DPP8: variants seen among roughly 807,000 people sequenced by gnomAD.
DPP8 encodes the protein dipeptidyl peptidase 8, also known as DPP VIII.
A neutral mutation model predicts 107.5 loss-of-function variants in DPP8; 31 were observed. That is an observed-to-expected ratio of 0.29 (90% CI 0.22 to 0.39). DPP8 has a LOEUF of 0.39. Among genes scored for constraint, DPP8 ranks in the 10% least tolerant of loss-of-function variants. DPP8 has a pLI of 1.00. For missense variants in DPP8, 842 were observed against 1,076.1 expected (o/e 0.78, Z 3.04); for synonymous variants, 381 against 356.6 (o/e 1.07, Z -0.77).
chr15:65,449,685 C>T (rs1351781489), intron 19 of DPP8, among the ~76,000 whole-genome samples: 2 of 152,134 alleles, frequency 1.3e-5, no homozygotes, highest in Non-Finnish European at 2.9e-5. Context: ...GTTGGGATTA[C>T]AGGCGTGAGC....
Position 65,493,386 on chromosome 15 carries a change from T to C in DPP8, c.716-3087A>G, listed in dbSNP as rs1376829128. ...GGTGAGCCACCGTGCCCGGCCAAGATTTTTCATATATTGTACATCTACCAT... is the reference window on the plus strand; with the variant it reads ...GGTGAGCCACCGTGCCCGGCCAAGACTTTTCATATATTGTACATCTACCAT... On this transcript the variant is annotated intron_variant, in intron 5 of 19. Transcript: ENST00000300141. 3.9e-5 allele frequency among the ~76,000 whole-genome samples: 6 copies of C among 152,280 alleles called. No homozygotes were observed. In the East Asian group the frequency reaches 1.2e-3, roughly 29 times the overall value.
At chr15:65,488,603 C>CAAAAAAAAA (rs1166493197) in intron 6 of DPP8, among the ~76,000 whole-genome samples, 8 of 45,276 alleles carry the variant, frequency 1.8e-4, no homozygotes, top group African/African-American at 6.7e-4. Context: ...GACCCTGCCT[C>CAAAAAAAAA]AAAAAAAAAA....
At chr15:65,473,829 C>A (rs949497507) in intron 12 of DPP8, among the ~76,000 whole-genome samples, 1 of 152,052 alleles carries the variant, frequency 6.6e-6, no homozygotes, top group Admixed American at 6.6e-5. Context: ...GTCGGCTGGG[C>A]GCAGTGGCTC....
chr15:65,469,917 C>A (rs1405164818), intron 12 of DPP8, among the ~76,000 whole-genome samples: 2 of 152,052 alleles, frequency 1.3e-5, no homozygotes, highest in South Asian at 2.1e-4. Context: ...GGGTAGATGG[C>A]CAGGTGTGGT....
In DPP8 at chr15:65,503,117, A is replaced by T. The variant is rs140831842; in HGVS notation, c.373-2338T>A. 6.3e-3 allele frequency among the ~76,000 whole-genome samples: 956 copies of T among 151,828 alleles called. 3 individuals carry two copies. Among genetic ancestry groups the T allele is most frequent in the Non-Finnish European group, 8.8e-3 (594 of 67,856 alleles). On this transcript the variant is annotated intron_variant, in intron 3 of 19. Coordinates refer to ENST00000300141, the MANE Select transcript of DPP8 (RefSeq NM_130434.5). ...TGAAACACCATTAATTATTATTATTATTTTTTTTGAGATGGAGCCTTGCTC... is the reference window on the plus strand; with the variant it reads ...TGAAACACCATTAATTATTATTATTTTTTTTTTTGAGATGGAGCCTTGCTC...
chr15:65,517,038 G>A (rs1043615720), intron 1 of DPP8: 1 of 153,030 alleles, frequency 6.5e-6, no homozygotes, highest in African/African-American at 2.4e-5. Context: ...AGGCAGGAGA[G>A]AAAAAAGACC....
rs368418422 is a variant in DPP8, at chr15:65,446,909, C to T, written c.2624G>A (p.Arg875His). ...TTATATCACTTTTAGAGCAGCAATA[C>T]GTGATCCAAGGTTTTCTTGAAGGTA... ...LHYLQENLGS[R>H]IAALKVI The change falls in exon 20 of 20, where the codon CGT (arginine) becomes CAT (histidine). Residue 875 changes from arginine to histidine, a missense_variant. Arg to His is a conservative substitution (Grantham distance 29). This residue lies in a region of DPP8 where 179 missense variants were observed against 318.0 expected (regional missense o/e 0.56). Transcript: ENST00000300141. The T allele has an allele frequency of 4.0e-5, 64 of 1,612,446 alleles. No individual in the cohort carries two copies. The African/African-American group carries it at 4.8e-4, about 12-fold the overall frequency.
intron 1 of DPP8, 84 bp from the exon 2 acceptor site, chr15:65,512,648 G>T (rs9635366): frequency 6.8e-7 from 1 of 1,481,438 alleles, no homozygotes; most frequent in South Asian, 1.3e-5. Flanking sequence ...AAAAAAAAGC[G>T]GGGGAGTGGG....
At chr15:65,469,623 A>G (rs1196685386) in intron 12 of DPP8, among the ~76,000 whole-genome samples, 1 of 141,356 alleles carries the variant, frequency 7.1e-6, no homozygotes, top group Non-Finnish European at 1.5e-5. Context: ...ATTGCACTCT[A>G]GCCTGGGCAA....
At chr15:65,493,325 G>A (rs1183248939) in intron 5 of DPP8, among the ~76,000 whole-genome samples, 3 of 151,890 alleles carry the variant, frequency 2.0e-5, no homozygotes, top group African/African-American at 7.3e-5. Context: ...CAGGTGATCT[G>A]CCTGCCTCGG....
chr15:65,469,881 C>T (rs546681120), intron 12 of DPP8, among the ~76,000 whole-genome samples: 2 of 151,652 alleles, frequency 1.3e-5, no homozygotes, highest in Admixed American at 1.3e-4. Context: ...TAAAGCTTTA[C>T]CCAATTACTG....
intron 7 of DPP8, 50 bp from the exon 8 acceptor site, chr15:65,485,210 A>T: frequency 2.1e-6 from 3 of 1,415,312 alleles, no homozygotes; most frequent in Non-Finnish European, 3.0e-6. Context: ...AATTACTCAA[A>T]TTAATTTTGC....
intron 10 of DPP8, 76 bp downstream of exon 10, chr15:65,480,146 G>T: frequency 7.6e-7 from 1 of 1,316,288 alleles, no homozygotes; most frequent in Non-Finnish European, 1.0e-6. Flanking sequence ...AATGCATTTT[G>T]ATAGTTTGCT....
chr15:65,503,155 T>A (rs1001797032), intron 3 of DPP8, among the ~76,000 whole-genome samples: 1 of 152,218 alleles, frequency 6.6e-6, no homozygotes, highest in African/African-American at 2.4e-5. Context: ...CTGCCCAGGC[T>A]GTAGTGCAAT....
chr15:65,471,700 C>A (rs2065913874), intron 12 of DPP8, among the ~76,000 whole-genome samples: 1 of 152,046 alleles, frequency 6.6e-6, no homozygotes, highest in Admixed American at 6.6e-5. Flanking sequence ...GTTGTCCAGG[C>A]TGGTATCTAA....
At position 65,463,800 on chromosome 15, in the gene DPP8, C is replaced by G; in HGVS notation, c.1932G>C (p.Lys644Asn). 6.2e-7 allele frequency: 1 copy of G among 1,613,420 alleles called. No individual in the cohort carries two copies. The highest frequency in any genetic ancestry group is 8.5e-7 in the Non-Finnish European group (1 of 1,179,534). Residue 644 changes from lysine (K) to asparagine (N), a missense_variant, in exon 15 of 20, where the codon AAG becomes AAC. By Grantham distance (94) the Lys-to-Asn change is moderately conservative. Transcript: ENST00000300141. ...ATATGAACAGCACAGTAGGATATTTCTTTCCAGGCTGTAGATCATGAGGCT... is the reference window on the plus strand; with the variant it reads ...ATATGAACAGCACAGTAGGATATTTGTTTCCAGGCTGTAGATCATGAGGCT... ...LYKPHDLQPG[K>N]KYPTVLFIYG...
intron 3 of DPP8, among the ~76,000 whole-genome samples, chr15:65,506,517 G>A (rs1440987164): frequency 6.6e-6 from 1 of 151,744 alleles, no homozygotes; most frequent in African/African-American, 2.4e-5. Flanking sequence ...GGGAAGCCGA[G>A]GCAGGCAGAT....
intron 1 of DPP8, chr15:65,516,578 C>T (rs1053350347): frequency 1.3e-5 from 2 of 152,168 alleles, no homozygotes; most frequent in African/African-American, 2.4e-5. Context: ...GTTATGCCAG[C>T]ACAGCAACAA....
chr15:65,477,529 ATTT>A (rs1174774140), intron 11 of DPP8, among the ~76,000 whole-genome samples: 3 of 139,848 alleles, frequency 2.1e-5, no homozygotes, highest in Admixed American at 7.2e-5. Flanking sequence ...CTTTTCCACA[ATTT>A]TTTTTTTTTT....
Sources: allele counts gnomAD v4.1 joint callset (sites outside exome capture counted in the v4.1 genomes callset), GRCh38; gene constraint gnomAD v4.1.1; regional missense constraint gnomAD v4.1.1; transcripts MANE v1.5; gene names NCBI Gene and HGNC (gene_info 2026-07-23, HGNC 2026-07-21).